The following SDK1 variants were observed in gnomAD, a reference collection of about 807,000 sequenced individuals.
The protein encoded by SDK1 is sidekick cell adhesion molecule 1, also known as protein sidekick-1.
A neutral mutation model predicts 245.5 loss-of-function variants in SDK1; 157 were observed. The observed-to-expected ratio is 0.64, with a 90% confidence interval of 0.56 to 0.73. The LOEUF is 0.73. Ranked by LOEUF, SDK1 falls within the 30% of genes least tolerant of loss-of-function variation. The pLI is 0.00. For synonymous variants in SDK1, 1,647 were observed against 1,278.5 expected (o/e 1.29, Z -6.15); for missense variants, 3,583 against 3,002.3 (o/e 1.19, Z -4.52).
intron 1 of SDK1, among the ~76,000 whole-genome samples, chr7:3,552,711 A>G (rs777639782): frequency 5.9e-5 from 9 of 152,152 alleles, no homozygotes; most frequent in African/African-American, 9.7e-5. Flanking sequence ...CTGTCATGCA[A>G]TTTGCTAATT....
At position 4,008,040 on chromosome 7, in the gene SDK1, T is replaced by C. The variant is rs371513124; in HGVS notation, c.2132-2926T>C. On this transcript the variant is annotated intron_variant, in intron 14 of 44. Transcript: ENST00000404826. ...AGCTCTTTTCATGTTGCAAAACTTC[T>C]GCACCACTAAACAGTCGCTCCCCGT... Among the ~76,000 whole-genome samples, 11 of 152,290 alleles carry C rather than the reference T, an allele frequency of 7.2e-5. No individual in the cohort carries two copies. In the East Asian group the frequency reaches 1.9e-3, roughly 27 times the overall value.
intron 5 of SDK1, among the ~76,000 whole-genome samples, chr7:3,932,634 T>C (rs534675029): frequency 1.2e-4 from 18 of 152,322 alleles, no homozygotes; most frequent in African/African-American, 4.3e-4. Flanking sequence ...AAGTCTGATA[T>C]AGCGGTTTCT....
In SDK1 at chr7:3,974,501, T is replaced by C. The variant is rs570433680; in HGVS notation, c.1950T>C (p.Val650=). 79 of 1,614,164 alleles carry C rather than the reference T, an allele frequency of 4.9e-5. No individual in the cohort carries two copies. In the South Asian group the frequency reaches 8.2e-4, roughly 17 times the overall value. Residue 650 remains valine (V), a synonymous_variant, in exon 13 of 45, where the codon GTT becomes GTC. Coordinates refer to ENST00000404826, the MANE Select transcript of SDK1 (RefSeq NM_152744.4). ...GDIGDYSCEI[V]SEGGNDSRMA... is the part of the protein sequence containing the mutation. ...TCGGTGACTACAGCTGCGAGATTGT[T>C]TCTGAAGGAGGGAATGACTCCAGGA...
At position 3,753,404 on chromosome 7, in the gene SDK1, C is replaced by G. The variant is rs184154438; in HGVS notation, c.714-68046C>G. On this transcript the variant is annotated intron_variant, in intron 4 of 44. Coordinates refer to ENST00000404826, the MANE Select transcript of SDK1 (RefSeq NM_152744.4). ...TTCCTAAACTGAAGAGACATTGCCC[C>G]TTAATGAGCCTTTACAAAACAAGAG... Among the ~76,000 whole-genome samples the G allele has an allele frequency of 3.9e-4, 60 of 152,268 alleles. 1 individual carries two copies. The highest frequency in any genetic ancestry group is 1.3e-3 in the African/African-American group (53 of 41,530).
At chr7:4,249,791 C>G (rs1787172085) in intron 44 of SDK1, among the ~76,000 whole-genome samples, 1 of 152,150 alleles carries the variant, frequency 6.6e-6, no homozygotes, top group African/African-American at 2.4e-5. Flanking sequence ...ACAGAGGGAA[C>G]CGGGGACTTA....
chr7:3,544,691 A>G (rs1400483340), intron 1 of SDK1, among the ~76,000 whole-genome samples: 1 of 152,224 alleles, frequency 6.6e-6, no homozygotes, highest in African/African-American at 2.4e-5. Flanking sequence ...CATCAGGAAA[A>G]CTAGGATATG....
At chr7:3,897,392 T>C (rs1781639026) in intron 5 of SDK1, among the ~76,000 whole-genome samples, 1 of 152,110 alleles carries the variant, frequency 6.6e-6, no homozygotes, top group Non-Finnish European at 1.5e-5. Flanking sequence ...GCACCCACCA[T>C]TGTACTTCCT....
At position 3,620,313 on chromosome 7, in the gene SDK1, TTA is replaced by T. The variant is rs535756603; in HGVS notation, c.458+1075_458+1076del. Among the ~76,000 whole-genome samples the T allele has an allele frequency of 4.3e-3, 603 of 141,488 alleles. 4 individuals are homozygous for T. Among genetic ancestry groups the T allele is most frequent in the African/African-American group, 0.014 (549 of 38,146 alleles). The allele number at this position is 141,488 out of a possible 152,430, so 92.8% of individuals were successfully genotyped here. A position where few individuals can be genotyped will look rare whatever the true frequency, so the allele number is the denominator to read the frequency against. The stretch of plus-strand genomic sequence containing the variant: ...AATGCTTACAGCATTTTTTTTTTTT[TTA>T]ATTTGAGACGGAGTTTCACTCTTGT... On this transcript the variant is annotated intron_variant, in intron 2 of 44. Transcript: ENST00000404826.
chr7:3,792,368 C>A (rs925401333), intron 4 of SDK1, among the ~76,000 whole-genome samples: 2 of 152,132 alleles, frequency 1.3e-5, no homozygotes, highest in African/African-American at 4.8e-5. Context: ...TCCATCATTT[C>A]TAGTGAACAT....
intron 1 of SDK1, among the ~76,000 whole-genome samples, chr7:3,395,976 T>C (rs1027671679): frequency 3.3e-5 from 5 of 151,920 alleles, no homozygotes; most frequent in African/African-American, 1.2e-4. Flanking sequence ...GTCATCTTTA[T>C]TTTCTTCATT....
intron 1 of SDK1, among the ~76,000 whole-genome samples, chr7:3,374,590 C>G (rs773057140): frequency 2.6e-5 from 4 of 152,080 alleles, no homozygotes; most frequent in African/African-American, 9.7e-5. Flanking sequence ...TATATTTTTA[C>G]TGGCCTTTTT....
At chr7:3,356,283 CAA>C (rs1479348674) in intron 1 of SDK1, among the ~76,000 whole-genome samples, 4 of 152,114 alleles carry the variant, frequency 2.6e-5, no homozygotes, top group African/African-American at 9.7e-5. Context: ...TGAAATATAA[CAA>C]AGTGCATAAA....
intron 5 of SDK1, among the ~76,000 whole-genome samples, chr7:3,899,234 C>A (rs1288583046): frequency 6.6e-6 from 1 of 152,154 alleles, no homozygotes; most frequent in Non-Finnish European, 1.5e-5. Context: ...GTATGTATCA[C>A]CCTCAGTCTC....
At chr7:4,200,224 C>A (rs528367696) in intron 35 of SDK1, among the ~76,000 whole-genome samples, 15 of 152,328 alleles carry the variant, frequency 9.8e-5, no homozygotes, top group South Asian at 8.3e-4. Flanking sequence ...CACCTGTACA[C>A]CCACACCATG....
chr7:3,638,145 A>T (rs901626022), intron 2 of SDK1, among the ~76,000 whole-genome samples: 33 of 152,216 alleles, frequency 2.2e-4, no homozygotes, highest in African/African-American at 6.3e-4. Context: ...TGTGCTAGAT[A>T]CCATGGTTAC....
chr7:3,587,621 C>T (rs1780733547), intron 1 of SDK1, among the ~76,000 whole-genome samples: 1 of 152,230 alleles, frequency 6.6e-6, no homozygotes, highest in South Asian at 2.1e-4. Context: ...CGATCCCTAC[C>T]TACATCGGGG....
chr7:3,727,303 A>C (rs1201333661), intron 4 of SDK1, among the ~76,000 whole-genome samples: 1 of 152,176 alleles, frequency 6.6e-6, no homozygotes, highest in Non-Finnish European at 1.5e-5. Context: ...CTTCTCATCT[A>C]ATGTGTAATC....
At position 4,067,758 on chromosome 7, in the gene SDK1, G is replaced by T; in HGVS notation, c.2912-80G>T. The T allele has an allele frequency of 2.9e-6, 3 of 1,030,452 alleles. No individual in the cohort carries two copies. The South Asian group carries it at 4.4e-5, about 15-fold the overall frequency. 63.8% of individuals were successfully genotyped at this position (1,030,452 alleles called of 1,614,324 possible). A position where few individuals can be genotyped will look rare whatever the true frequency, so the allele number is the denominator to read the frequency against. On this transcript the variant is annotated intron_variant, in intron 19 of 44. Coordinates refer to ENST00000404826, the MANE Select transcript of SDK1 (RefSeq NM_152744.4). ...CCCAGCTCACCACTTTCCTTCCATA[G>T]TTAGAACCTTCCCCACACATCTGAT...
At chr7:3,647,267 T>G (rs554583017) in intron 4 of SDK1, among the ~76,000 whole-genome samples, 5 of 152,248 alleles carry the variant, frequency 3.3e-5, no homozygotes, top group Admixed American at 2.6e-4. Context: ...TTAAATTATA[T>G]TTTACCACGA....
Sources: gnomAD v4.1 joint callset for allele counts (sites outside exome capture counted in the v4.1 genomes callset) on GRCh38, gnomAD v4.1.1 for gene constraint, MANE v1.5 for transcripts, NCBI Gene and HGNC (gene_info 2026-07-23, HGNC 2026-07-21) for gene names.